DNAH11: variants seen among roughly 807,000 people sequenced by gnomAD.
The protein encoded by DNAH11 is axonemal beta dynein heavy chain 11.
Under a neutral mutation model 526.0 loss-of-function variants are expected in DNAH11, and 442 were observed. That is an observed-to-expected ratio of 0.84 (90% CI 0.78 to 0.91). The LOEUF (loss-of-function observed/expected upper bound fraction) is 0.91. DNAH11 is among the 40% of genes least tolerant of loss of function. The pLI, the probability that DNAH11 is intolerant of heterozygous loss-of-function variation, is 0.00. For synonymous variants in DNAH11, 2,461 were observed against 1,935.9 expected (o/e 1.27, Z -7.12); for missense variants, 6,989 against 5,448.7 (o/e 1.28, Z -8.90).
At chr7:21,744,768 A>C in intron 50 of DNAH11, 102 bp from the exon 51 acceptor site, 1 of 1,437,336 alleles carries the variant, frequency 7.0e-7, no homozygotes, top group Non-Finnish European at 9.4e-7. Context: ...CCACCTACCC[A>C]TGTGTGGGTC....
chr7:21,887,566 A>G (rs1430816400), intron 76 of DNAH11, among the ~76,000 whole-genome samples: 1 of 152,230 alleles, frequency 6.6e-6, no homozygotes, highest in Non-Finnish European at 1.5e-5. Context: ...CCTTGGTTTC[A>G]TAATCTACAA....
At position 21,612,554 on chromosome 7, in the gene DNAH11, C is replaced by CAAAAAAA. The variant is rs34356379; in HGVS notation, c.3853-2544_3853-2538dup. Among the ~76,000 whole-genome samples the CAAAAAAA allele has an allele frequency of 2.9e-3, 236 of 81,102 alleles. 2 individuals are homozygous for CAAAAAAA. The highest frequency in any genetic ancestry group is 3.8e-3 in the East Asian group (13 of 3,428). The allele number at this position is 81,102 out of a possible 152,430, so 53.2% of individuals were successfully genotyped here. On this transcript the variant is annotated intron_variant, in intron 20 of 81. Transcript: ENST00000409508. ...TGGGCGACAGAGTGAGGCTCCGTCT[C>CAAAAAAA]AAAAAAAAAAAAAAAAAAAAAAGAG...
At chr7:21,806,826 C>A (rs1789282800) in intron 62 of DNAH11, among the ~76,000 whole-genome samples, 1 of 152,196 alleles carries the variant, frequency 6.6e-6, no homozygotes. Flanking sequence ...TTAAGGGCTT[C>A]ACATACTTAA....
chr7:21,716,569 C>T (rs1156692311), intron 42 of DNAH11, among the ~76,000 whole-genome samples: 1 of 152,172 alleles, frequency 6.6e-6, no homozygotes, highest in Non-Finnish European at 1.5e-5. Flanking sequence ...GAGCAATCCT[C>T]TTTCACCTCT....
At chr7:21,789,377 A>G (rs1332340310) in intron 61 of DNAH11, 35 bp downstream of exon 61, 2 of 1,478,862 alleles carry the variant, frequency 1.4e-6, no homozygotes, top group Admixed American at 2.1e-5. Context: ...AAGGTTCCCA[A>G]GAGGTGGTCG....
At chr7:21,854,091 C>A (rs983779387) in intron 67 of DNAH11, among the ~76,000 whole-genome samples, 1 of 152,098 alleles carries the variant, frequency 6.6e-6, no homozygotes, top group Admixed American at 6.5e-5. Flanking sequence ...ACCTAGAAAA[C>A]CGCTAGAGTT....
At chr7:21,860,551 C>T (rs991201865) in intron 68 of DNAH11, among the ~76,000 whole-genome samples, 9 of 152,152 alleles carry the variant, frequency 5.9e-5, no homozygotes, top group Admixed American at 3.9e-4. Flanking sequence ...CCCAGATGTC[C>T]GTCAGTGGAT....
chr7:21,881,558 T>A (rs1783925839), intron 75 of DNAH11, among the ~76,000 whole-genome samples: 1 of 152,224 alleles, frequency 6.6e-6, no homozygotes, highest in East Asian at 1.9e-4. Context: ...CATTCATTCC[T>A]AAGGATTTTC....
intron 6 of DNAH11, 66 bp downstream of exon 6, chr7:21,564,463 T>C: frequency 8.4e-7 from 1 of 1,193,866 alleles, no homozygotes; most frequent in Non-Finnish European, 1.2e-6. Flanking sequence ...ACGAGACTAG[T>C]GAAGAATAAT....
intron 48 of DNAH11, among the ~76,000 whole-genome samples, chr7:21,740,792 A>G (rs968877579): frequency 6.6e-6 from 1 of 152,196 alleles, no homozygotes; most frequent in Non-Finnish European, 1.5e-5. Context: ...TTTTTGAGGA[A>G]TCATCATACT....
intron 45 of DNAH11, 107 bp downstream of exon 45, chr7:21,726,091 T>G: frequency 9.0e-7 from 1 of 1,112,018 alleles, no homozygotes; most frequent in Non-Finnish European, 1.2e-6. Flanking sequence ...TGGCTCATGA[T>G]TCCACAGGCT....
intron 28 of DNAH11, among the ~76,000 whole-genome samples, chr7:21,652,869 T>C (rs560232588): frequency 6.6e-6 from 1 of 152,054 alleles, no homozygotes; most frequent in East Asian, 1.9e-4. Flanking sequence ...TTTTTTTTAA[T>C]ATTTATTTAT....
chr7:21,662,650 ATATTT>A (rs917362250), intron 30 of DNAH11, among the ~76,000 whole-genome samples: 1 of 152,014 alleles, frequency 6.6e-6, no homozygotes, highest in African/African-American at 2.4e-5. Flanking sequence ...CTTTTCAAAA[ATATTT>A]TATTTTGTTA....
chr7:21,777,850 T>C (rs1185891643), intron 56 of DNAH11, among the ~76,000 whole-genome samples: 1 of 152,176 alleles, frequency 6.6e-6, no homozygotes, highest in Non-Finnish European at 1.5e-5. Flanking sequence ...GAATATACTG[T>C]GTTGGGTGGA....
At chr7:21,813,489 A>G (rs756568147) in intron 63 of DNAH11, among the ~76,000 whole-genome samples, 3 of 152,220 alleles carry the variant, frequency 2.0e-5, no homozygotes, top group African/African-American at 7.2e-5. Flanking sequence ...TTACATAAAC[A>G]TGAGTTGTTA....
intron 30 of DNAH11, among the ~76,000 whole-genome samples, chr7:21,663,809 T>G (rs62447813): frequency 0.051 from 7,698 of 151,830 alleles, 226 homozygotes; most frequent in Non-Finnish European, 0.063. Flanking sequence ...ATTTGCCATA[T>G]TTGCTTTATT....
At chr7:21,682,647 G>C (rs1169290593) in intron 31 of DNAH11, among the ~76,000 whole-genome samples, 1 of 151,980 alleles carries the variant, frequency 6.6e-6, no homozygotes. Flanking sequence ...AAAGTCAGGA[G>C]TATGCTTGTC....
intron 30 of DNAH11, among the ~76,000 whole-genome samples, chr7:21,676,017 T>G (rs1055404249): frequency 2.0e-5 from 3 of 152,174 alleles, no homozygotes; most frequent in African/African-American, 7.2e-5. Context: ...ATGAAGTGGT[T>G]GCTGTGGCCT....
At chr7:21,669,082 G>A (rs944122453) in intron 30 of DNAH11, among the ~76,000 whole-genome samples, 3 of 152,100 alleles carry the variant, frequency 2.0e-5, no homozygotes, top group Non-Finnish European at 4.4e-5. Flanking sequence ...AAGATGTTGA[G>A]CAACTTCTTA....
Sources: gnomAD v4.1 joint callset for allele counts (sites outside exome capture counted in the v4.1 genomes callset) on GRCh38, gnomAD v4.1.1 for gene constraint, MANE v1.5 for transcripts, NCBI Gene and HGNC (gene_info 2026-07-23, HGNC 2026-07-21) for gene names.